Variants in ADGRB3 observed in about 807,000 individuals in gnomAD.
ADGRB3 encodes the protein brain-specific angiogenesis inhibitor 3.
Under a neutral mutation model 193.4 loss-of-function variants are expected in ADGRB3, and 37 were observed. The ratio of observed to expected loss-of-function variants is 0.19; its 90% confidence interval spans 0.15 to 0.25. ADGRB3 has a LOEUF of 0.25. ADGRB3 is among the 10% of genes least tolerant of loss of function. The pLI is 1.00. For missense variants in ADGRB3, 1,637 were observed against 1,852.9 expected (o/e 0.88, Z 2.14); for synonymous variants, 690 against 644.2 (o/e 1.07, Z -1.08).
rs371818899 is a variant in ADGRB3 at position 69,074,609 on chromosome 6, C to T, written c.2437-1386C>T. Among the ~76,000 whole-genome samples, 352 of 149,520 alleles carry T rather than the reference C, an allele frequency of 2.4e-3. 3 individuals carry two copies. The highest frequency in any genetic ancestry group is 8.4e-3 in the African/African-American group (339 of 40,494). Reference sequence around the variant, plus strand: ...AGGCTGGAGTGCAGTGGCACGATCTCGGCTCACTCACTGCAAGCTCCACCT... The same window carrying T: ...AGGCTGGAGTGCAGTGGCACGATCTTGGCTCACTCACTGCAAGCTCCACCT... On this transcript the variant is annotated intron_variant, in intron 16 of 31. Coordinates refer to ENST00000370598, the MANE Select transcript of ADGRB3 (RefSeq NM_001704.3).
chr6:69,209,317 C>T (rs1765605665), intron 17 of ADGRB3, among the ~76,000 whole-genome samples: 1 of 152,178 alleles, frequency 6.6e-6, no homozygotes, highest in South Asian at 2.1e-4. Context: ...GTGCCTCTTT[C>T]TTAGTTGTGG....
intron 28 of ADGRB3, among the ~76,000 whole-genome samples, chr6:69,359,070 C>T (rs1769391516): frequency 6.6e-6 from 1 of 151,458 alleles, no homozygotes. Flanking sequence ...AGTACCAATA[C>T]TTCCTTTATA....
At chr6:68,998,797 A>G (rs921937190) in intron 11 of ADGRB3, among the ~76,000 whole-genome samples, 5 of 152,240 alleles carry the variant, frequency 3.3e-5, no homozygotes, top group Non-Finnish European at 7.3e-5. Flanking sequence ...AATGCAACAT[A>G]TGCAGCTGTA....
rs3839475 is a variant in ADGRB3 at position 69,219,461 on chromosome 6, G to GTATATATATATATATATATA, written c.2481-13816_2481-13797dup. ...CTTTAACTTAAAAATACACACACACGTATATATATATATATATATATATAT... is the reference window on the plus strand; with the variant it reads ...CTTTAACTTAAAAATACACACACACGTATATATATATATATATATATATATATATATATATATATATATAT... On this transcript the variant is annotated intron_variant, in intron 17 of 31. Transcript: ENST00000370598. Among the ~76,000 whole-genome samples the GTATATATATATATATATATA allele has an allele frequency of 1.6e-3, 161 of 98,924 alleles. 3 individuals carry two copies. The highest frequency in any genetic ancestry group is 2.1e-3 in the South Asian group (5 of 2,330). The allele number at this position is 98,924 out of a possible 152,430, so 64.9% of individuals were successfully genotyped here.
intron 17 of ADGRB3, among the ~76,000 whole-genome samples, chr6:69,216,665 G>A (rs574810946): frequency 7.2e-5 from 11 of 152,234 alleles, no homozygotes; most frequent in African/African-American, 2.2e-4. Context: ...CAGTTCCAGA[G>A]AAACAGAAAA....
At chr6:68,838,728 C>G (rs1304164263) in intron 3 of ADGRB3, among the ~76,000 whole-genome samples, 2 of 152,166 alleles carry the variant, frequency 1.3e-5, no homozygotes, top group African/African-American at 4.8e-5. Context: ...CTTTACCTCT[C>G]CATGCTTGAT....
At chr6:68,845,383 T>A (rs1768253756) in intron 3 of ADGRB3, among the ~76,000 whole-genome samples, 1 of 152,070 alleles carries the variant, frequency 6.6e-6, no homozygotes, top group South Asian at 2.1e-4. Flanking sequence ...GAGAGAGGCA[T>A]GGGACAGATT....
At chr6:69,187,158 T>A (rs1765088494) in intron 17 of ADGRB3, among the ~76,000 whole-genome samples, 1 of 152,148 alleles carries the variant, frequency 6.6e-6, no homozygotes, top group Non-Finnish European at 1.5e-5. Flanking sequence ...AATATGTGTA[T>A]GTTTGTGTCC....
rs184308792 is a variant in ADGRB3, at chr6:68,727,556, T to C, written c.757+88124T>C. Among the ~76,000 whole-genome samples, 14 of 151,624 alleles carry C rather than the reference T, an allele frequency of 9.2e-5. No homozygotes were observed. The East Asian group carries it at 2.3e-3, about 25-fold the overall frequency. Reference sequence around the variant, plus strand: ...TAAAAGATGTATACCAAGAAATCCATGCTGGTACATTGTAATTTAACCTCC... The same window carrying C: ...TAAAAGATGTATACCAAGAAATCCACGCTGGTACATTGTAATTTAACCTCC... On this transcript the variant is annotated intron_variant, in intron 3 of 31. Coordinates refer to ENST00000370598, the MANE Select transcript of ADGRB3 (RefSeq NM_001704.3).
rs544091042 is a variant in ADGRB3 at position 68,896,869 on chromosome 6, G to T, written c.758-33690G>T. Reference sequence around the variant, plus strand: ...CCAGGGAGAATTATTTCTAACACCTGATTTGTAGAATCAGAGCCTATAACT... The same window carrying T: ...CCAGGGAGAATTATTTCTAACACCTTATTTGTAGAATCAGAGCCTATAACT... On this transcript the variant is annotated intron_variant, in intron 3 of 31. Coordinates refer to ENST00000370598, the MANE Select transcript of ADGRB3 (RefSeq NM_001704.3). Among the ~76,000 whole-genome samples the T allele has an allele frequency of 3.3e-5, 5 of 152,182 alleles. No individual in the cohort carries two copies. The East Asian group carries it at 7.8e-4, about 24-fold the overall frequency.
intron 17 of ADGRB3, among the ~76,000 whole-genome samples, chr6:69,156,052 T>A (rs1013901969): frequency 1.3e-5 from 2 of 152,110 alleles, no homozygotes; most frequent in African/African-American, 4.8e-5. Context: ...TTAATTTAAT[T>A]TAAAAATATT....
intron 3 of ADGRB3, among the ~76,000 whole-genome samples, chr6:68,733,011 G>A (rs1383303197): frequency 6.6e-6 from 1 of 151,652 alleles, no homozygotes; most frequent in Non-Finnish European, 1.5e-5. Flanking sequence ...ACCAAACTCT[G>A]AGAACCACTA....
intron 3 of ADGRB3, among the ~76,000 whole-genome samples, chr6:68,708,257 A>T (rs1343629011): frequency 2.0e-5 from 3 of 152,196 alleles, no homozygotes; most frequent in African/African-American, 7.2e-5. Flanking sequence ...AGAGAGATAT[A>T]ACCCAAGCTA....
At chr6:68,881,721 A>G (rs993707435) in intron 3 of ADGRB3, among the ~76,000 whole-genome samples, 3 of 152,140 alleles carry the variant, frequency 2.0e-5, no homozygotes, top group Non-Finnish European at 4.4e-5. Context: ...AGTGTTTTGG[A>G]AGGTAGCTCT....
chr6:69,319,576 G>T (rs1418454620), intron 20 of ADGRB3, among the ~76,000 whole-genome samples: 1 of 151,226 alleles, frequency 6.6e-6, no homozygotes, highest in Non-Finnish European at 1.5e-5. Flanking sequence ...GTTCATCCTT[G>T]CAGTTTTCTC....
intron 3 of ADGRB3, among the ~76,000 whole-genome samples, chr6:68,899,442 T>TCCCCCCA (rs1459072593): frequency 1.1e-4 from 6 of 55,582 alleles, no homozygotes; most frequent in African/African-American, 4.3e-4. Context: ...CCCTCCCCCC[T>TCCCCCCA]CCCCCCACCC....
intron 19 of ADGRB3, among the ~76,000 whole-genome samples, chr6:69,237,816 C>T (rs1009447428): frequency 6.6e-6 from 1 of 151,958 alleles, no homozygotes; most frequent in Admixed American, 6.6e-5. Flanking sequence ...AAAAAAGAGA[C>T]AATTAATAGT....
At chr6:68,967,329 A>G (rs1768411294) in intron 8 of ADGRB3, among the ~76,000 whole-genome samples, 1 of 152,196 alleles carries the variant, frequency 6.6e-6, no homozygotes, top group Non-Finnish European at 1.5e-5. Flanking sequence ...AAATTCAGTA[A>G]TAGAAAGATG....
At chr6:69,275,499 G>A (rs975834723) in intron 20 of ADGRB3, among the ~76,000 whole-genome samples, 4 of 152,026 alleles carry the variant, frequency 2.6e-5, no homozygotes, top group Non-Finnish European at 4.4e-5. Context: ...GGAGGAGGCA[G>A]TAGCTGAGAT....
Sources: allele counts gnomAD v4.1 joint callset (sites outside exome capture counted in the v4.1 genomes callset), GRCh38; gene constraint gnomAD v4.1.1; transcripts MANE v1.5; gene names NCBI Gene and HGNC (gene_info 2026-07-23, HGNC 2026-07-21).